The following EXT1 variants were observed in gnomAD, a reference collection of about 807,000 sequenced individuals.
EXT1 encodes exostosin glycosyltransferase 1, also known as exostosin-1.
A neutral mutation model predicts 82.5 loss-of-function variants in EXT1; 20 were observed. The observed-to-expected ratio is 0.24, with a 90% confidence interval of 0.17 to 0.35. The LOEUF (loss-of-function observed/expected upper bound fraction) is 0.35, where lower values mean the gene tolerates loss of function less well. EXT1 is among the 10% of genes least tolerant of loss of function. The pLI is 1.00. For missense variants in EXT1, 757 were observed against 936.5 expected, an observed-to-expected ratio of 0.81 and a Z score of 2.50; for synonymous variants, 348 against 350.8, an observed-to-expected ratio of 0.99 and a Z score of 0.09.
rs1169330702 is a variant in EXT1 at position 118,080,102 on chromosome 8, G to T, written c.962+29983C>A. 2.6e-5 allele frequency among the ~76,000 whole-genome samples: 4 copies of T among 152,170 alleles called. No homozygotes were observed. In the East Asian group the frequency reaches 7.7e-4, roughly 29 times the overall value. ...CACAATGCAACAGGGATTTGAACTG[G>T]AAATATGAATATGAGTATCTGTTTG... On this transcript the variant is annotated intron_variant, in intron 1 of 10. Transcript: ENST00000378204.
intron 1 of EXT1, among the ~76,000 whole-genome samples, chr8:118,047,897 A>G (rs1253521832): frequency 1.3e-5 from 2 of 152,024 alleles, no homozygotes; most frequent in African/African-American, 4.8e-5. Context: ...ATCAATCAAT[A>G]CCTAGCATGG....
At chr8:118,082,685 C>G (rs1817353087) in intron 1 of EXT1, among the ~76,000 whole-genome samples, 1 of 152,116 alleles carries the variant, frequency 6.6e-6, no homozygotes. Flanking sequence ...TCCAAACTTA[C>G]AGGTAATGCA....
chr8:118,042,261 G>C (rs939451600), intron 1 of EXT1, among the ~76,000 whole-genome samples: 1 of 152,128 alleles, frequency 6.6e-6, no homozygotes, highest in African/African-American at 2.4e-5. Context: ...GGGCTTATAA[G>C]TCTTTCCCAA....
chr8:117,950,341 C>A (rs541432602), intron 1 of EXT1, among the ~76,000 whole-genome samples: 2 of 152,216 alleles, frequency 1.3e-5, no homozygotes, highest in Admixed American at 6.5e-5. Context: ...ACAGACCTTT[C>A]GACCAGCAGC....
At position 117,799,635 on chromosome 8, in the gene EXT1, G is replaced by A. The variant is rs1260010738; in HGVS notation, c.*77C>T. 2.6e-6 allele frequency: 4 copies of A among 1,527,112 alleles called. No homozygotes were observed. The highest frequency in any genetic ancestry group is 2.7e-6 in the Non-Finnish European group (3 of 1,101,830). 94.6% of individuals were successfully genotyped at this position (1,527,112 alleles called of 1,614,324 possible). ...TGGCACAATCTGGCTCTGCTGATGA[G>A]TGGATCTGCACTGGGAAGAGAGAGC... On this transcript the variant is annotated 3_prime_UTR_variant, in exon 11 of 11. Transcript: ENST00000378204.
chr8:117,991,470 A>G (rs939108051), intron 1 of EXT1, among the ~76,000 whole-genome samples: 1 of 152,152 alleles, frequency 6.6e-6, no homozygotes, highest in African/African-American at 2.4e-5. Context: ...TAAGCCCTTA[A>G]TAAAATCCCA....
At chr8:117,849,113 A>G (rs1812413626) in intron 1 of EXT1, among the ~76,000 whole-genome samples, 1 of 152,140 alleles carries the variant, frequency 6.6e-6, no homozygotes, top group Admixed American at 6.5e-5. Context: ...TCTGCCTGGA[A>G]TTCTTCTCCA....
At chr8:117,941,585 G>C (rs1396645004) in intron 1 of EXT1, among the ~76,000 whole-genome samples, 1 of 151,194 alleles carries the variant, frequency 6.6e-6, no homozygotes, top group Non-Finnish European at 1.5e-5. Context: ...AGCGCAGAAA[G>C]GGTTGATGGT....
At chr8:118,098,617 G>C (rs1817661439) in intron 1 of EXT1, among the ~76,000 whole-genome samples, 1 of 152,004 alleles carries the variant, frequency 6.6e-6, no homozygotes, top group Non-Finnish European at 1.5e-5. Context: ...AAATTAGTCG[G>C]GCATGGTGGC....
At chr8:118,046,118 T>C (rs1343144470) in intron 1 of EXT1, among the ~76,000 whole-genome samples, 4 of 147,240 alleles carry the variant, frequency 2.7e-5, no homozygotes, top group Admixed American at 6.6e-5. Flanking sequence ...TTTTTTTTTC[T>C]TTTTGCCTAA....
At chr8:118,074,683 G>C (rs995490305) in intron 1 of EXT1, among the ~76,000 whole-genome samples, 2 of 152,186 alleles carry the variant, frequency 1.3e-5, no homozygotes, top group African/African-American at 4.8e-5. Context: ...ATTTCTCCAG[G>C]CAAGAGAAAG....
chr8:117,979,608 C>T (rs1399656000), intron 1 of EXT1, among the ~76,000 whole-genome samples: 3 of 151,892 alleles, frequency 2.0e-5, no homozygotes, highest in Admixed American at 6.6e-5. Flanking sequence ...AAGGGTAACA[C>T]GAACATGAAA....
At chr8:117,986,194 T>TTCTTTTCTTTTC (rs376632524) in intron 1 of EXT1, among the ~76,000 whole-genome samples, 31 of 147,742 alleles carry the variant, frequency 2.1e-4, no homozygotes, top group Non-Finnish European at 3.4e-4. Context: ...TTTCTTTTTT[T>TTCTTTTCTTTTC]TTTTTTTTTT....
At chr8:117,845,398 C>T (rs1357589278) in intron 1 of EXT1, among the ~76,000 whole-genome samples, 1 of 152,140 alleles carries the variant, frequency 6.6e-6, no homozygotes, top group Non-Finnish European at 1.5e-5. Flanking sequence ...ACTGACAGTT[C>T]AGAACCTTAA....
intron 1 of EXT1, among the ~76,000 whole-genome samples, chr8:118,023,482 C>T (rs1816147846): frequency 6.6e-6 from 1 of 152,148 alleles, no homozygotes; most frequent in African/African-American, 2.4e-5. Context: ...ACTCTCTGAG[C>T]CATTTTAAGT....
chr8:117,856,681 A>C (rs1011398067), intron 1 of EXT1, among the ~76,000 whole-genome samples: 1 of 152,140 alleles, frequency 6.6e-6, no homozygotes, highest in Non-Finnish European at 1.5e-5. Context: ...TCCATATCAT[A>C]ATAGCGCAAG....
In EXT1 at chr8:118,091,694, A is replaced by G. The variant is rs549007979; in HGVS notation, c.962+18391T>C. ...TGGGAAGCGGAGCTTGCAATGAGCC[A>G]AGATCGCACCATTGCACTCCAGCCT... On this transcript the variant is annotated intron_variant, in intron 1 of 10. Transcript: ENST00000378204. Among the ~76,000 whole-genome samples the G allele has an allele frequency of 4.7e-3, 710 of 152,288 alleles. 9 individuals are homozygous for G. Among genetic ancestry groups the G allele is most frequent in the South Asian group, 0.029 (139 of 4,822 alleles).
chr8:118,102,843 GCTTT>G (rs951615494), intron 1 of EXT1, among the ~76,000 whole-genome samples: 6 of 149,244 alleles, frequency 4.0e-5, no homozygotes, highest in African/African-American at 1.5e-4. Flanking sequence ...TTTTTTTCTT[GCTTT>G]CTTTCTTTCT....
intron 1 of EXT1, among the ~76,000 whole-genome samples, chr8:117,900,716 C>T (rs1813430543): frequency 6.6e-6 from 1 of 152,220 alleles, no homozygotes; most frequent in Non-Finnish European, 1.5e-5. Flanking sequence ...GCACAGGCTG[C>T]TGTTCCTAAG....
Sources: gnomAD v4.1 joint callset for allele counts (sites outside exome capture counted in the v4.1 genomes callset) on GRCh38, gnomAD v4.1.1 for gene constraint, MANE v1.5 for transcripts, NCBI Gene and HGNC (gene_info 2026-07-23, HGNC 2026-07-21) for gene names.